Variants in HPSE2 observed in about 807,000 individuals in gnomAD.
The protein encoded by HPSE2 is heparanase 2 (inactive), also known as inactive heparanase-2.
A neutral mutation model predicts 60.5 loss-of-function variants in HPSE2; 38 were observed. The observed-to-expected ratio is 0.63, with a 90% CI of 0.48 to 0.82. HPSE2 has a LOEUF of 0.82. Among genes scored for constraint, HPSE2 ranks in the 40% least tolerant of loss-of-function variants. The pLI is 0.00. For missense variants in HPSE2, 713 were observed against 740.4 expected, an observed-to-expected ratio of 0.96 and a Z score of 0.43; for synonymous variants, 295 against 293.2, an observed-to-expected ratio of 1.01 and a Z score of -0.06.
Position 99,005,663 on chromosome 10 carries a change from T to C in HPSE2, c.610+138575A>G, listed in dbSNP as rs142808049. On this transcript the variant is annotated intron_variant, in intron 3 of 11. Transcript: ENST00000370552. ...AGGCAGTTCATAATCTCTATTTCTT[T>C]GAGGGTTAGCTACTGGGAGATTATT... is the stretch of plus-strand genomic sequence containing the variant. 6.3e-3 allele frequency among the ~76,000 whole-genome samples: 952 copies of C among 152,284 alleles called. 6 individuals carry two copies. The highest frequency in any genetic ancestry group is 0.022 in the African/African-American group (909 of 41,548).
chr10:99,296,845 C>A, the HPSE2 span, among the ~76,000 whole-genome samples: 1 of 152,286 alleles, frequency 6.6e-6, no homozygotes, highest in South Asian at 2.1e-4. Flanking sequence ...AGTCAGAGAT[C>A]TGCCTGCTGG....
intron 2 of HPSE2, among the ~76,000 whole-genome samples, chr10:99,179,293 T>A (rs1402959109): frequency 6.6e-6 from 1 of 152,094 alleles, no homozygotes; most frequent in Non-Finnish European, 1.5e-5. Flanking sequence ...AAGAAAGAAA[T>A]CAAGGGTATT....
At chr10:99,220,937 G>A (rs552509200) in intron 2 of HPSE2, among the ~76,000 whole-genome samples, 7 of 143,044 alleles carry the variant, frequency 4.9e-5, no homozygotes, top group Admixed American at 1.4e-4. Flanking sequence ...CTCCACCTCC[G>A]AGGTTCAAGC....
intron 3 of HPSE2, chr10:99,014,070 T>TA (rs1337148696): frequency 5.5e-6 from 1 of 182,250 alleles, no homozygotes; most frequent in Non-Finnish European, 1.2e-5. Context: ...GCTCCCGCCC[T>TA]GGTTGCTGGC....
At chr10:99,277,118 G>T in the HPSE2 span, among the ~76,000 whole-genome samples, 1 of 152,294 alleles carries the variant, frequency 6.6e-6, no homozygotes, top group East Asian at 1.9e-4. Context: ...TTTGAAAATT[G>T]CTAGGAGTTA....
At chr10:98,510,280 T>G (rs942273354) in intron 9 of HPSE2, among the ~76,000 whole-genome samples, 10 of 152,164 alleles carry the variant, frequency 6.6e-5, no homozygotes, top group Admixed American at 4.6e-4. Context: ...CAGCTCTCTT[T>G]CAGTCATACC....
At chr10:99,137,838 C>T (rs1051508811) in intron 3 of HPSE2, among the ~76,000 whole-genome samples, 2 of 152,176 alleles carry the variant, frequency 1.3e-5, no homozygotes, top group African/African-American at 4.8e-5. Context: ...TGGGCAAAGA[C>T]TTCATGTCTA....
chr10:99,047,989 C>A, intron 3 of HPSE2: 2 of 707,416 alleles, frequency 2.8e-6, no homozygotes, highest in Non-Finnish European at 5.2e-6. Context: ...TTCATCAAGT[C>A]TTCAATGAAA....
At chr10:99,252,635 G>A in the HPSE2 span, among the ~76,000 whole-genome samples, 1 of 152,134 alleles carries the variant, frequency 6.6e-6, no homozygotes, top group South Asian at 2.1e-4. Flanking sequence ...CCAGCACTTT[G>A]GGAGGCTGAG....
chr10:99,252,772 G>A, the HPSE2 span, among the ~76,000 whole-genome samples: 4 of 151,776 alleles, frequency 2.6e-5, no homozygotes, highest in African/African-American at 9.7e-5. Flanking sequence ...AGCTACTCGA[G>A]AGGCTGAGGC....
chr10:98,881,198 G>A (rs1410635247), intron 3 of HPSE2, among the ~76,000 whole-genome samples: 2 of 152,114 alleles, frequency 1.3e-5, no homozygotes, highest in Non-Finnish European at 2.9e-5. Flanking sequence ...CATAGAATTA[G>A]CAGGGCTTTT....
Position 98,749,947 on chromosome 10 carries a change from T to TATATATATATATATATATATATATAC in HPSE2, c.611-5892_611-5891insGTATATATATATATATATATATATAT. Among the ~76,000 whole-genome samples, 390 of 98,340 alleles carry TATATATATATATATATATATATATAC rather than the reference T, an allele frequency of 4.0e-3. 3 individuals are homozygous for TATATATATATATATATATATATATAC. The highest frequency in any genetic ancestry group is 7.4e-3 in the East Asian group (26 of 3,520). The allele number at this position is 98,340 out of a possible 152,430, so 64.5% of individuals were successfully genotyped here. A position where few individuals can be genotyped will look rare whatever the true frequency, so the allele number is the denominator to read the frequency against. ...ATTAAACACTATATATATATATATA[T>TATATATATATATATATATATATATAC]ACACACACACTTACACACACATTTA... On this transcript the variant is annotated intron_variant, in intron 3 of 11. Coordinates refer to ENST00000370552, the MANE Select transcript of HPSE2 (RefSeq NM_021828.5).
At chr10:99,244,309 G>A in the HPSE2 span, among the ~76,000 whole-genome samples, 1 of 151,682 alleles carries the variant, frequency 6.6e-6, no homozygotes, top group African/African-American at 2.4e-5. Flanking sequence ...GAGCCACCAC[G>A]CCCGGCCTAC....
chr10:98,641,779 A>G, intron 7 of HPSE2, 68 bp downstream of exon 7: 2 of 1,186,102 alleles, frequency 1.7e-6, no homozygotes, highest in South Asian at 1.2e-5. Flanking sequence ...CCCAGCTGGG[A>G]CTTTGTGTCT....
At chr10:99,155,618 A>C (rs1846512546) in intron 2 of HPSE2, among the ~76,000 whole-genome samples, 1 of 143,962 alleles carries the variant, frequency 6.9e-6, no homozygotes, top group African/African-American at 2.6e-5. Context: ...GTAGAGGGAA[A>C]TTTATAGCAC....
chr10:98,970,958 A>G (rs1955937378), intron 3 of HPSE2, among the ~76,000 whole-genome samples: 1 of 152,226 alleles, frequency 6.6e-6, no homozygotes, highest in Non-Finnish European at 1.5e-5. Context: ...TAATCATGTA[A>G]GCAATTAAAT....
At chr10:99,203,113 C>T (rs1189019980) in intron 2 of HPSE2, among the ~76,000 whole-genome samples, 3 of 152,130 alleles carry the variant, frequency 2.0e-5, no homozygotes, top group African/African-American at 7.2e-5. Flanking sequence ...AGTCTCCAGG[C>T]CCATCCCACC....
At chr10:98,864,076 C>T (rs937131416) in intron 3 of HPSE2, among the ~76,000 whole-genome samples, 22 of 152,010 alleles carry the variant, frequency 1.4e-4, no homozygotes, top group African/African-American at 5.1e-4. Context: ...AACCTCTAGT[C>T]CACATGTTTG....
At chr10:98,954,978 T>TTATATATATATATATACATATTTA (rs5787317) in intron 3 of HPSE2, among the ~76,000 whole-genome samples, 18 of 145,308 alleles carry the variant, frequency 1.2e-4, no homozygotes, top group African/African-American at 2.2e-4. Flanking sequence ...ATATACATAT[T>TTATATATATATATATACATATTTA]TATATATATA....
Sources: gnomAD v4.1 joint callset for allele counts (sites outside exome capture counted in the v4.1 genomes callset) on GRCh38, gnomAD v4.1.1 for gene constraint, MANE v1.5 for transcripts, NCBI Gene and HGNC (gene_info 2026-07-23, HGNC 2026-07-21) for gene names.